TNNT3: variants seen among roughly 807,000 people sequenced by gnomAD.
TNNT3 encodes troponin T, fast skeletal muscle.
In TNNT3, 36 loss-of-function variants were observed where a neutral mutation model predicts 54.2. The ratio of observed to expected loss-of-function variants is 0.66; its 90% CI spans 0.51 to 0.88. The LOEUF (loss-of-function observed/expected upper bound fraction) is 0.88, where lower values mean the gene tolerates loss of function less well. Ranked by LOEUF, TNNT3 falls within the 40% of genes least tolerant of loss-of-function variation. The pLI, the probability that TNNT3 is intolerant of heterozygous loss-of-function variation, is 0.00. For missense variants in TNNT3, 291 were observed against 331.6 expected, an observed-to-expected ratio of 0.88 and a Z score of 0.95; for synonymous variants, 120 against 109.7, an observed-to-expected ratio of 1.09 and a Z score of -0.59.
In TNNT3 at chr11:1,925,989, G is replaced by A. The variant is rs985754622; in HGVS notation, c.68-706G>A. Among the ~76,000 whole-genome samples, 6 of 152,152 alleles carry A rather than the reference G, an allele frequency of 3.9e-5. No homozygotes were observed. The East Asian group carries it at 7.7e-4, about 20-fold the overall frequency. On this transcript the variant is annotated intron_variant, in intron 5 of 15. Coordinates refer to ENST00000278317, the MANE Select transcript of TNNT3 (RefSeq NM_006757.4). ...GGCAGGAAGTGGGGGTCCTGGGGAC[G>A]CCTTCCATGGCCCATCCATGGCTCT...
At chr11:1,930,812 C>T (rs1224540899) in intron 8 of TNNT3, among the ~76,000 whole-genome samples, 1 of 152,120 alleles carries the variant, frequency 6.6e-6, no homozygotes. Flanking sequence ...GAGATATTTT[C>T]TCATTTTAGA....
chr11:1,928,852 A>C (rs2133359544), intron 6 of TNNT3: 15 of 529,520 alleles, frequency 2.8e-5, no homozygotes, highest in African/African-American at 4.0e-5. Context: ...TTGCCCCGCG[A>C]GGTCCCCGTG....
At chr11:1,931,831 G>A (rs1367348860) in intron 8 of TNNT3, among the ~76,000 whole-genome samples, 2 of 149,616 alleles carry the variant, frequency 1.3e-5, no homozygotes, top group African/African-American at 4.9e-5. Flanking sequence ...ACCCTTTCCT[G>A]CTCCAGTTTC....
chr11:1,928,595 C>T lies in TNNT3; in HGVS notation c.83-525C>T, dbSNP rs1475521807. Among the ~76,000 whole-genome samples the T allele has an allele frequency of 4.6e-5, 7 of 152,150 alleles. No homozygotes were observed. In the South Asian group the frequency reaches 1.4e-3, roughly 32 times the overall value. On this transcript the variant is annotated intron_variant, in intron 6 of 15. Transcript: ENST00000278317. ...GAGACCAGCAAGGAGTTAGACATCA[C>T]GTTGCCGGCAGAGGCTCCTGAGGCC...
chr11:1,933,816 G>T lies in TNNT3; in HGVS notation c.267G>T (p.Leu89=). Residue 89 remains leucine (L), a synonymous_variant, in exon 10 of 16, where the codon CTG becomes CTT. Coordinates refer to ENST00000278317, the MANE Select transcript of TNNT3 (RefSeq NM_006757.4). ...CCCGGAAGAAGGAGGAGGAGGAGCT[G>T]GTCGCTCTCAAAGAGAGAATCGTGA... ...FEARKKEEEE[L]VALKERIEKR... 1.2e-6 allele frequency: 2 copies of T among 1,612,706 alleles called. No homozygotes were observed. The highest frequency in any genetic ancestry group is 1.1e-5 in the South Asian group (1 of 91,070).
At chr11:1,923,469 G>A (rs1176114010) in intron 3 of TNNT3, 86 bp from the exon 4 acceptor site, 20 of 1,451,046 alleles carry the variant, frequency 1.4e-5, no homozygotes, top group African/African-American at 9.8e-5. Context: ...GTCCAGGGCC[G>A]GGACACACTG....
chr11:1,926,404 C>G (rs941434350), intron 5 of TNNT3: 2 of 1,602,798 alleles, frequency 1.2e-6, no homozygotes, highest in South Asian at 2.2e-5. Flanking sequence ...TAACCTCGGA[C>G]GCTTCTCCAT....
In TNNT3 at chr11:1,927,475, G is replaced by T. The variant is rs535991144; in HGVS notation, c.82+766G>T. Among the ~76,000 whole-genome samples, 16 of 152,250 alleles carry T rather than the reference G, an allele frequency of 1.1e-4. No individual in the cohort carries two copies. In the South Asian group the frequency reaches 2.5e-3, roughly 24 times the overall value. On this transcript the variant is annotated intron_variant, in intron 6 of 15. Transcript: ENST00000278317. The stretch of plus-strand genomic sequence containing the variant: ...GGGCTGAGGGGCTCCTCCCTGCCGG[G>T]CCTGAGCTCTTGCGTGACTCGAGCC...
chr11:1,937,080 A>G (rs1855330870), intron 15 of TNNT3, 77 bp downstream of exon 15: 3 of 1,467,876 alleles, frequency 2.0e-6, no homozygotes, highest in Non-Finnish European at 2.8e-6. Context: ...AGTCCCTAAC[A>G]AGGGCCGGTG....
intron 9 of TNNT3, among the ~76,000 whole-genome samples, chr11:1,932,741 C>G (rs1004393593): frequency 6.6e-6 from 1 of 152,044 alleles, no homozygotes; most frequent in Non-Finnish European, 1.5e-5. Flanking sequence ...TCCACCCACC[C>G]ACGTAAGCTC....
intron 6 of TNNT3, 124 bp from the exon 7 acceptor site, chr11:1,928,996 G>A: frequency 8.8e-7 from 1 of 1,135,234 alleles, no homozygotes; most frequent in East Asian, 2.3e-5. Flanking sequence ...ACACCCTGGA[G>A]AAGAGAGTGT....
intron 9 of TNNT3, among the ~76,000 whole-genome samples, chr11:1,932,747 A>T (rs1046178259): frequency 6.8e-6 from 1 of 146,238 alleles, no homozygotes; most frequent in Non-Finnish European, 1.5e-5. Context: ...CACCCACGTA[A>T]GCTCCTACCC....
intron 5 of TNNT3, chr11:1,925,524 C>A: frequency 1.6e-6 from 1 of 606,544 alleles, no homozygotes; most frequent in Non-Finnish European, 2.9e-6. Context: ...ACTCCCCAGG[C>A]AGGTGCAGGC....
Position 1,938,531 on chromosome 11 carries a change from C to T in TNNT3, c.*39C>T, listed in dbSNP as rs1172105681. The stretch of plus-strand genomic sequence containing the variant: ...GCCCCTCGAGGCAGAGACCCTCCGC[C>T]CTCTTGCACACCAGGGCCGCTCGTG... On this transcript the variant is annotated 3_prime_UTR_variant, in exon 16 of 16. Coordinates refer to ENST00000278317, the MANE Select transcript of TNNT3 (RefSeq NM_006757.4). 7 of 1,605,336 alleles carry T rather than the reference C, an allele frequency of 4.4e-6. No individual in the cohort carries two copies. The highest frequency in any genetic ancestry group is 5.1e-6 in the Non-Finnish European group (6 of 1,173,572).
intron 14 of TNNT3, chr11:1,936,351 C>G (rs1855035785): frequency 4.3e-6 from 6 of 1,406,804 alleles, no homozygotes; most frequent in Non-Finnish European, 6.0e-6. Context: ...GCTCAGGATG[C>G]TGGCGGCAGG....
intron 5 of TNNT3, chr11:1,926,383 G>A (rs770564589): frequency 8.4e-5 from 131 of 1,558,206 alleles, no homozygotes; most frequent in Non-Finnish European, 1.0e-4. Context: ...AGTGGCGACG[G>A]GCTTTTCCAT....
At chr11:1,921,263 G>A (rs1037202550) in intron 1 of TNNT3, 1 of 152,254 alleles carries the variant, frequency 6.6e-6, no homozygotes, top group Non-Finnish European at 1.5e-5. Context: ...CCATCTTGTG[G>A]CAGCCGACAG....
Position 1,938,547 on chromosome 11 carries a change from G to T in TNNT3, c.*55G>T, listed in dbSNP as rs1336882679. The stretch of plus-strand genomic sequence containing the variant: ...ACCCTCCGCCCTCTTGCACACCAGG[G>T]CCGCTCGTGGGACTCCACATCCTCC... On this transcript the variant is annotated 3_prime_UTR_variant, in exon 16 of 16. Coordinates refer to ENST00000278317, the MANE Select transcript of TNNT3 (RefSeq NM_006757.4). The T allele has an allele frequency of 6.4e-7, 1 of 1,564,716 alleles. No individual in the cohort carries two copies. Among genetic ancestry groups the T allele is most frequent in the Non-Finnish European group, 8.8e-7 (1 of 1,140,084 alleles).
intron 1 of TNNT3, 33 bp from the exon 2 acceptor site, chr11:1,922,824 T>A (rs1170994906): frequency 8.0e-6 from 12 of 1,490,842 alleles, no homozygotes; most frequent in Non-Finnish European, 1.0e-5. Flanking sequence ...TTCCATCCTC[T>A]CTCTCTCTCT....
Sources: allele counts gnomAD v4.1 joint callset (sites outside exome capture counted in the v4.1 genomes callset), GRCh38; gene constraint gnomAD v4.1.1; transcripts MANE v1.5; gene names NCBI Gene and HGNC (gene_info 2026-07-23, HGNC 2026-07-21).